Variants in NELL1 observed in about 807,000 individuals in gnomAD.
NELL1 encodes protein kinase C-binding protein NELL1.
A neutral mutation model predicts 107.4 loss-of-function variants in NELL1; 76 were observed. The ratio of observed to expected loss-of-function variants is 0.71; its 90% CI spans 0.59 to 0.86. The LOEUF (loss-of-function observed/expected upper bound fraction) is 0.86, where lower values mean the gene tolerates loss of function less well. Ranked by LOEUF, NELL1 falls within the 40% of genes least tolerant of loss-of-function variation. NELL1 has a pLI of 0.00. For synonymous variants in NELL1, 353 were observed against 341.2 expected, an observed-to-expected ratio of 1.03 and a Z score of -0.38; for missense variants, 1,024 against 1,005.5, an observed-to-expected ratio of 1.02 and a Z score of -0.25.
chr11:20,957,337 A>G (rs1328240128), intron 11 of NELL1, among the ~76,000 whole-genome samples: 1 of 152,220 alleles, frequency 6.6e-6, no homozygotes, highest in African/African-American at 2.4e-5. Flanking sequence ...GTGTGGCTCA[A>G]CCTTCAAGCA....
intron 15 of NELL1, among the ~76,000 whole-genome samples, chr11:21,390,696 T>C (rs1217158079): frequency 6.6e-6 from 1 of 151,874 alleles, no homozygotes; most frequent in African/African-American, 2.4e-5. Flanking sequence ...TTTCTCTGGA[T>C]TTAATGATTA....
At chr11:21,520,745 G>A (rs954523580) in intron 15 of NELL1, among the ~76,000 whole-genome samples, 10 of 152,002 alleles carry the variant, frequency 6.6e-5, no homozygotes, top group Admixed American at 1.3e-4. Flanking sequence ...GCTCAGCCCC[G>A]GCCCCTCCCC....
chr11:20,959,027 C>G (rs897732371), intron 11 of NELL1, among the ~76,000 whole-genome samples: 5 of 152,172 alleles, frequency 3.3e-5, no homozygotes, highest in African/African-American at 1.2e-4. Flanking sequence ...GAATGTCTTT[C>G]AAAATTGGTG....
At chr11:20,794,095 A>C (rs962874622) in intron 3 of NELL1, among the ~76,000 whole-genome samples, 12 of 152,154 alleles carry the variant, frequency 7.9e-5, no homozygotes, top group African/African-American at 2.9e-4. Flanking sequence ...TAGGTATTGT[A>C]ATTATCATTT....
intron 12 of NELL1, among the ~76,000 whole-genome samples, chr11:21,056,235 A>G (rs1401085601): frequency 2.0e-5 from 3 of 152,208 alleles, no homozygotes; most frequent in Admixed American, 6.6e-5. Context: ...CTTCTTGGGC[A>G]TTCCCCTCAT....
chr11:21,111,147 C>T (rs1249333839), intron 12 of NELL1, among the ~76,000 whole-genome samples: 2 of 152,088 alleles, frequency 1.3e-5, no homozygotes, highest in African/African-American at 4.8e-5. Context: ...TTCTCTGACT[C>T]TCTCAGAGTA....
At chr11:21,315,206 A>G (rs1382706581) in intron 14 of NELL1, among the ~76,000 whole-genome samples, 2 of 152,188 alleles carry the variant, frequency 1.3e-5, no homozygotes, top group African/African-American at 4.8e-5. Context: ...ACACTTTTGT[A>G]TATAGTGCAA....
At chr11:21,377,434 G>C (rs1259517150) in intron 15 of NELL1, among the ~76,000 whole-genome samples, 1 of 152,012 alleles carries the variant, frequency 6.6e-6, no homozygotes, top group African/African-American at 2.4e-5. Context: ...ATATCCTGTT[G>C]AATGCAGTTT....
intron 12 of NELL1, among the ~76,000 whole-genome samples, chr11:21,089,697 G>C (rs899834090): frequency 6.6e-6 from 1 of 152,202 alleles, no homozygotes; most frequent in Non-Finnish European, 1.5e-5. Context: ...AGGAAAGATT[G>C]AGGCAGTCTC....
Position 21,078,514 on chromosome 11 carries a change from A to G in NELL1, c.1301-35075A>G, listed in dbSNP as rs186994944. Among the ~76,000 whole-genome samples the G allele has an allele frequency of 6.0e-3, 913 of 152,266 alleles. 4 individuals carry two copies. The highest frequency in any genetic ancestry group is 8.9e-3 in the Non-Finnish European group (608 of 67,982). Reference sequence around the variant, plus strand: ...TCTAAAGAGAAAAATGTTCCATAGGAAATAGGCAGTCATGGTGCAACCGCA... The same window carrying G: ...TCTAAAGAGAAAAATGTTCCATAGGGAATAGGCAGTCATGGTGCAACCGCA... On this transcript the variant is annotated intron_variant, in intron 12 of 19. Coordinates refer to ENST00000357134, the MANE Select transcript of NELL1 (RefSeq NM_006157.5).
chr11:20,881,286 A>G (rs988334695), intron 4 of NELL1, among the ~76,000 whole-genome samples: 1 of 152,198 alleles, frequency 6.6e-6, no homozygotes, highest in South Asian at 2.1e-4. Flanking sequence ...TAAAAGTTCT[A>G]CCAAATTATT....
chr11:21,286,599 C>T (rs892567281), intron 14 of NELL1, among the ~76,000 whole-genome samples: 17 of 152,156 alleles, frequency 1.1e-4, no homozygotes. Context: ...GACAGTGGCC[C>T]AGTTGTTGGC....
intron 4 of NELL1, among the ~76,000 whole-genome samples, chr11:20,881,543 T>TA (rs1849407521): frequency 6.6e-6 from 1 of 152,206 alleles, no homozygotes; most frequent in African/African-American, 2.4e-5. Context: ...GAGGATTTAG[T>TA]AAATTAACAT....
At chr11:21,397,037 A>T (rs1851997673) in intron 15 of NELL1, among the ~76,000 whole-genome samples, 1 of 151,720 alleles carries the variant, frequency 6.6e-6, no homozygotes, top group Non-Finnish European at 1.5e-5. Flanking sequence ...TGAGGACATT[A>T]TCATCTTTCT....
intron 15 of NELL1, among the ~76,000 whole-genome samples, chr11:21,419,782 A>G (rs1852614495): frequency 6.6e-6 from 1 of 152,196 alleles, no homozygotes; most frequent in African/African-American, 2.4e-5. Flanking sequence ...AATTTGAAAT[A>G]TGATAGAGAA....
chr11:21,381,595 C>T (rs1378914385), intron 15 of NELL1, among the ~76,000 whole-genome samples: 2 of 151,858 alleles, frequency 1.3e-5, no homozygotes, highest in African/African-American at 4.8e-5. Flanking sequence ...AAATAATAGG[C>T]TGCTTGCCCA....
intron 12 of NELL1, among the ~76,000 whole-genome samples, chr11:21,037,522 C>T (rs775670789): frequency 1.3e-5 from 2 of 152,126 alleles, no homozygotes; most frequent in African/African-American, 2.4e-5. Context: ...TTTTAGTCCA[C>T]ATGTTCCCCG....
At chr11:20,837,104 G>T (rs949992894) in intron 3 of NELL1, among the ~76,000 whole-genome samples, 1 of 152,142 alleles carries the variant, frequency 6.6e-6, no homozygotes, top group South Asian at 2.1e-4. Flanking sequence ...AATTAATGGC[G>T]TATGTAGGAC....
At chr11:20,722,373 C>T (rs1341677997) in intron 2 of NELL1, among the ~76,000 whole-genome samples, 1 of 152,128 alleles carries the variant, frequency 6.6e-6, no homozygotes, top group Non-Finnish European at 1.5e-5. Flanking sequence ...ATCCACCTCA[C>T]AGTAATATTT....
Sources: allele counts gnomAD v4.1 joint callset (sites outside exome capture counted in the v4.1 genomes callset), GRCh38; gene constraint gnomAD v4.1.1; transcripts MANE v1.5; gene names NCBI Gene and HGNC (gene_info 2026-07-23, HGNC 2026-07-21).